The following TENM2 variants were observed in gnomAD, a reference collection of about 807,000 sequenced individuals.
The protein encoded by TENM2 is teneurin transmembrane protein 2, also known as teneurin-2.
In TENM2, 52 loss-of-function variants were observed where a neutral mutation model predicts 245.2. That is an observed-to-expected ratio of 0.21 (90% CI 0.17 to 0.27). The LOEUF (loss-of-function observed/expected upper bound fraction) is 0.27. TENM2 is among the 10% of genes least tolerant of loss of function. TENM2 has a pLI of 1.00. For missense variants in TENM2, 3,046 were observed against 3,666.8 expected (o/e 0.83, Z 4.37); for synonymous variants, 1,363 against 1,438.9 (o/e 0.95, Z 1.19).
chr5:167,186,442 C>T, the TENM2 span, among the ~76,000 whole-genome samples: 3 of 152,152 alleles, frequency 2.0e-5, no homozygotes, highest in Non-Finnish European at 4.4e-5. Context: ...GGCTCTCCTC[C>T]GGTCTTCCCT....
rs1462789214 is a variant in TENM2, at chr5:167,353,497, G to GT, written c.227-21699dup. 3.6e-3 allele frequency among the ~76,000 whole-genome samples: 251 copies of GT among 68,868 alleles called. 3 individuals are homozygous for GT. Among genetic ancestry groups the GT allele is most frequent in the Middle Eastern group, 8.3e-3 (1 of 120 alleles). The allele number at this position is 68,868 out of a possible 152,430, so 45.2% of individuals were successfully genotyped here. A position where few individuals can be genotyped will look rare whatever the true frequency, so the allele number is the denominator to read the frequency against. Reference sequence around the variant, plus strand: ...GTATATGGTGTTTTTTGTTGTTGTTGTTGTTTTTTTTTTTTTTTTTTTTTT... The same window carrying GT: ...GTATATGGTGTTTTTTGTTGTTGTTGTTTGTTTTTTTTTTTTTTTTTTTTTT... On this transcript the variant is annotated intron_variant, in intron 1 of 28. Transcript: ENST00000518659.
intron 2 of TENM2, among the ~76,000 whole-genome samples, chr5:167,709,432 G>C (rs1758758061): frequency 6.6e-6 from 1 of 152,124 alleles, no homozygotes; most frequent in Non-Finnish European, 1.5e-5. Context: ...TCTCTTCCCT[G>C]ACAGCTGGGT....
At chr5:167,444,594 A>G (rs2127464283) in intron 2 of TENM2, among the ~76,000 whole-genome samples, 2 of 152,296 alleles carry the variant, frequency 1.3e-5, no homozygotes. Flanking sequence ...TACTGATCCT[A>G]CAATGAATAA....
intron 2 of TENM2, among the ~76,000 whole-genome samples, chr5:167,638,663 G>T (rs995721744): frequency 6.6e-6 from 1 of 152,148 alleles, no homozygotes; most frequent in Admixed American, 6.5e-5. Context: ...ATTTAGCCAC[G>T]AATTGCTTTC....
intron 3 of TENM2, among the ~76,000 whole-genome samples, chr5:167,900,609 A>G (rs1052696059): frequency 6.6e-6 from 1 of 152,240 alleles, no homozygotes. Flanking sequence ...GAGCCTGGAT[A>G]GATGAGGCTG....
chr5:168,158,339 T>G, intron 12 of TENM2, among the ~76,000 whole-genome samples: 1 of 152,120 alleles, frequency 6.6e-6, no homozygotes, highest in South Asian at 2.1e-4. Context: ...TATCTTCTCA[T>G]GATTCTCAGA....
chr5:167,570,982 A>T (rs1047850156), intron 2 of TENM2, among the ~76,000 whole-genome samples: 3 of 152,158 alleles, frequency 2.0e-5, no homozygotes, highest in Non-Finnish European at 4.4e-5. Flanking sequence ...TAAGCATATT[A>T]TCCAAGTGGA....
At chr5:167,353,794 A>T (rs984169716) in intron 1 of TENM2, among the ~76,000 whole-genome samples, 1 of 151,854 alleles carries the variant, frequency 6.6e-6, no homozygotes, top group Non-Finnish European at 1.5e-5. Flanking sequence ...GGCGTGAGCC[A>T]CCGCGCCCGG....
chr5:167,221,098 G>T, the TENM2 span, among the ~76,000 whole-genome samples: 1 of 152,228 alleles, frequency 6.6e-6, no homozygotes, highest in East Asian at 1.9e-4. Context: ...AAAGTGCTGG[G>T]ATTACAGGCA....
the TENM2 span, among the ~76,000 whole-genome samples, chr5:167,078,744 A>T: frequency 6.6e-6 from 1 of 152,162 alleles, no homozygotes; most frequent in Non-Finnish European, 1.5e-5. Context: ...ATCAATATAT[A>T]ACCTTGCTTT....
At chr5:167,331,819 A>G (rs541830739) in intron 1 of TENM2, among the ~76,000 whole-genome samples, 2 of 152,300 alleles carry the variant, frequency 1.3e-5, no homozygotes, top group East Asian at 1.9e-4. Context: ...TCAGAGCCCA[A>G]GTGGTGTGGA....
chr5:167,452,942 T>TATATATATATATATATTTTAA (rs1481420038), intron 2 of TENM2, among the ~76,000 whole-genome samples: 123 of 5,590 alleles, frequency 0.022, 2 homozygotes, highest in Non-Finnish European at 0.067. Context: ...TATATATATA[T>TATATATATATATATATTTTAA]ATATATATAT....
At chr5:167,581,997 A>G (rs1439399925) in intron 2 of TENM2, among the ~76,000 whole-genome samples, 2 of 152,124 alleles carry the variant, frequency 1.3e-5, no homozygotes, top group African/African-American at 4.8e-5. Context: ...GTCTTGCCTC[A>G]TCAGGAGGAG....
At chr5:167,920,475 G>A (rs1026705868) in intron 3 of TENM2, among the ~76,000 whole-genome samples, 1 of 150,754 alleles carries the variant, frequency 6.6e-6, no homozygotes, top group African/African-American at 2.4e-5. Context: ...CCAAGCTCGT[G>A]CCACTGTACT....
At chr5:167,841,955 GTC>G (rs563767796) in intron 2 of TENM2, among the ~76,000 whole-genome samples, 4 of 151,270 alleles carry the variant, frequency 2.6e-5, no homozygotes, top group African/African-American at 9.7e-5. Flanking sequence ...ATATGTTTTT[GTC>G]TCTCTCTATA....
At chr5:167,528,139 A>G (rs1771244243) in intron 2 of TENM2, among the ~76,000 whole-genome samples, 1 of 152,120 alleles carries the variant, frequency 6.6e-6, no homozygotes, top group African/African-American at 2.4e-5. Context: ...TGAAAGCCTG[A>G]CGATTTGGAG....
chr5:167,275,639 AT>A, the TENM2 span, among the ~76,000 whole-genome samples: 2 of 151,938 alleles, frequency 1.3e-5, no homozygotes. Context: ...TTGTGTTTTG[AT>A]TTCCAGTGCC....
At chr5:167,103,629 G>A in the TENM2 span, among the ~76,000 whole-genome samples, 1 of 152,160 alleles carries the variant, frequency 6.6e-6, no homozygotes, top group African/African-American at 2.4e-5. Flanking sequence ...CACCCCAGCA[G>A]ACTTCTAACT....
chr5:167,051,999 T>A, the TENM2 span, among the ~76,000 whole-genome samples: 8 of 152,198 alleles, frequency 5.3e-5, no homozygotes, highest in African/African-American at 1.9e-4. Flanking sequence ...TGAGTGGATA[T>A]CTTCTGTGTA....
Sources: allele counts gnomAD v4.1 joint callset (sites outside exome capture counted in the v4.1 genomes callset), GRCh38; gene constraint gnomAD v4.1.1; transcripts MANE v1.5; gene names NCBI Gene and HGNC (gene_info 2026-07-23, HGNC 2026-07-21).